Variants in GAS2 observed in about 807,000 individuals in gnomAD.
GAS2 encodes growth arrest-specific protein 2.
A neutral mutation model predicts 37.5 loss-of-function variants in GAS2; 20 were observed. The ratio of observed to expected loss-of-function variants is 0.53; its 90% CI spans 0.37 to 0.77. The LOEUF is 0.77. GAS2 is among the 30% of genes least tolerant of loss of function. GAS2 has a pLI of 0.00. For missense variants in GAS2, 336 were observed against 373.4 expected (o/e 0.90, Z 0.82); for synonymous variants, 144 against 132.2 (o/e 1.09, Z -0.61).
At chr11:22,692,140 T>C (rs1267240426) in intron 3 of GAS2, among the ~76,000 whole-genome samples, 2 of 152,104 alleles carry the variant, frequency 1.3e-5, no homozygotes, top group African/African-American at 4.8e-5. Flanking sequence ...AGACTTGATA[T>C]GGGCTACATT....
At chr11:22,783,289 A>G (rs1206218405) in intron 7 of GAS2, among the ~76,000 whole-genome samples, 9 of 151,802 alleles carry the variant, frequency 5.9e-5, no homozygotes, top group African/African-American at 1.7e-4. Flanking sequence ...TAATGGGGCT[A>G]TTTGTTTTTT....
intron 1 of GAS2, among the ~76,000 whole-genome samples, chr11:22,652,966 T>A (rs2133834949): frequency 6.7e-6 from 1 of 150,224 alleles, no homozygotes; most frequent in South Asian, 2.1e-4. Flanking sequence ...TCTTTCTTTG[T>A]CTTTCTTTCT....
chr11:22,744,869 A>T (rs535886444), intron 5 of GAS2, among the ~76,000 whole-genome samples: 2 of 152,098 alleles, frequency 1.3e-5, no homozygotes, highest in South Asian at 4.1e-4. Flanking sequence ...AAGTCAAATT[A>T]TCTCCCTACA....
At chr11:22,650,715 G>C (rs1427972675) in intron 1 of GAS2, among the ~76,000 whole-genome samples, 1 of 152,114 alleles carries the variant, frequency 6.6e-6, no homozygotes, top group Non-Finnish European at 1.5e-5. Context: ...TTTAAAGTCT[G>C]TTTTGTCAGA....
intron 7 of GAS2, among the ~76,000 whole-genome samples, chr11:22,758,521 G>A (rs1854175834): frequency 6.6e-6 from 1 of 152,054 alleles, no homozygotes; most frequent in Admixed American, 6.5e-5. Context: ...CCAATGCAAA[G>A]AACAATTCAG....
At chr11:22,777,905 C>A (rs1054975322) in intron 7 of GAS2, among the ~76,000 whole-genome samples, 2 of 152,128 alleles carry the variant, frequency 1.3e-5, no homozygotes, top group African/African-American at 4.8e-5. Context: ...AAACCAAAGG[C>A]AATTCTGCCA....
At chr11:22,750,075 G>A (rs1467564646) in intron 6 of GAS2, among the ~76,000 whole-genome samples, 1 of 152,016 alleles carries the variant, frequency 6.6e-6, no homozygotes, top group South Asian at 2.1e-4. Flanking sequence ...TTTATGCAAA[G>A]TTTGTATTGT....
chr11:22,690,652 T>A (rs1850198992), intron 3 of GAS2, among the ~76,000 whole-genome samples: 1 of 152,184 alleles, frequency 6.6e-6, no homozygotes, highest in Non-Finnish European at 1.5e-5. Flanking sequence ...GGCAAAAATA[T>A]AAATGAAATG....
intron 3 of GAS2, among the ~76,000 whole-genome samples, chr11:22,714,810 C>A (rs923849646): frequency 3.3e-5 from 5 of 152,086 alleles, no homozygotes; most frequent in African/African-American, 1.2e-4. Context: ...ATTCTTTGAA[C>A]TGAATGATAA....
intron 2 of GAS2, among the ~76,000 whole-genome samples, chr11:22,679,872 T>C (rs557152048): frequency 3.2e-4 from 49 of 152,246 alleles, no homozygotes; most frequent in Middle Eastern, 3.4e-3. Flanking sequence ...TTGATTTTAC[T>C]TATATTTAGA....
chr11:22,734,533 C>A (rs2134207727), intron 4 of GAS2, among the ~76,000 whole-genome samples: 1 of 151,332 alleles, frequency 6.6e-6, no homozygotes, highest in South Asian at 2.1e-4. Flanking sequence ...TTATGATGCA[C>A]AAAAAGTGCT....
intron 1 of GAS2, among the ~76,000 whole-genome samples, chr11:22,652,788 G>A (rs371616772): frequency 6.6e-6 from 1 of 152,112 alleles, no homozygotes; most frequent in African/African-American, 2.4e-5. Context: ...GCTCGCACAC[G>A]GTGCGCGCAC....
At chr11:22,694,377 C>T (rs183534317) in intron 3 of GAS2, among the ~76,000 whole-genome samples, 12 of 152,248 alleles carry the variant, frequency 7.9e-5, no homozygotes, top group Admixed American at 5.2e-4. Context: ...TTTCCATTCA[C>T]ACTAAAATGA....
At chr11:22,770,287 A>C (rs1247005441) in intron 7 of GAS2, among the ~76,000 whole-genome samples, 6 of 152,200 alleles carry the variant, frequency 3.9e-5, no homozygotes. Flanking sequence ...CACTTTCTGC[A>C]CAGCTACCCT....
chr11:22,638,322 T>C (rs1004125409), intron 1 of GAS2, among the ~76,000 whole-genome samples: 4 of 151,990 alleles, frequency 2.6e-5, no homozygotes, highest in Non-Finnish European at 4.4e-5. Context: ...CTACATTGGA[T>C]CTAAGTTTTG....
rs533029967 is a variant in GAS2 at position 22,681,130 on chromosome 11, T to G, written c.146-4538T>G. ...TTTATTGGGAAGAAAACATTCTTTCTCAGCAACTTGGAAGATTAAAAGGAT... is the reference window on the plus strand; with the variant it reads ...TTTATTGGGAAGAAAACATTCTTTCGCAGCAACTTGGAAGATTAAAAGGAT... On this transcript the variant is annotated intron_variant, in intron 2 of 7. Coordinates refer to ENST00000454584, the MANE Select transcript of GAS2 (RefSeq NM_001143830.3). Among the ~76,000 whole-genome samples the G allele has an allele frequency of 6.6e-4, 101 of 152,342 alleles. 3 individuals are homozygous for G. The Middle Eastern group carries it at 0.027, about 41-fold the overall frequency.
intron 1 of GAS2, among the ~76,000 whole-genome samples, chr11:22,652,216 C>G (rs368062404): frequency 3.3e-5 from 5 of 152,132 alleles, no homozygotes; most frequent in East Asian, 1.9e-4. Context: ...GGGGGTGCCT[C>G]CCATTTAGGC....
At chr11:22,673,004 T>G (rs1993966) in intron 1 of GAS2, among the ~76,000 whole-genome samples, 95,020 of 151,946 alleles carry the variant, frequency 0.63, 30,918 homozygotes, top group East Asian at 0.83. Context: ...GTTCACATTT[T>G]CAATGGTTGA....
In GAS2 at chr11:22,755,851, A is replaced by G; in HGVS notation, c.621A>G (p.Lys207=). 6.2e-7 allele frequency: 1 copy of G among 1,612,298 alleles called. No individual in the cohort carries two copies. Among genetic ancestry groups the G allele is most frequent in the Non-Finnish European group, 8.5e-7 (1 of 1,178,662 alleles). Residue 207 remains lysine, a synonymous_variant, in exon 7 of 8, where the codon AAA becomes AAG. Transcript: ENST00000454584. ...STGNLLDDAV[K]RISEDPPCKC... is the part of the protein sequence containing the mutation. ...TGCCTGCTCTTCTATTTCAGGTGAAACGAATTTCTGAAGATCCTCCTTGCA... is the reference window on the plus strand; with the variant it reads ...TGCCTGCTCTTCTATTTCAGGTGAAGCGAATTTCTGAAGATCCTCCTTGCA...
Sources: gnomAD v4.1 joint callset for allele counts (sites outside exome capture counted in the v4.1 genomes callset) on GRCh38, gnomAD v4.1.1 for gene constraint, MANE v1.5 for transcripts, NCBI Gene and HGNC (gene_info 2026-07-23, HGNC 2026-07-21) for gene names.